The following ELL2 variants were observed in gnomAD, a reference collection of about 807,000 sequenced individuals.
ELL2 encodes RNA polymerase II elongation factor ELL2.
ELL2 carries 21 observed loss-of-function variants against 72.8 expected under a neutral mutation model. The ratio of observed to expected loss-of-function variants is 0.29; its 90% CI spans 0.20 to 0.42. ELL2 has a LOEUF of 0.42. Among genes scored for constraint, ELL2 ranks in the 10% least tolerant of loss-of-function variants. ELL2 has a pLI of 1.00. For synonymous variants in ELL2, 266 were observed against 283.2 expected (o/e 0.94, Z 0.61); for missense variants, 568 against 772.8 (o/e 0.73, Z 3.14).
intron 2 of ELL2, among the ~76,000 whole-genome samples, chr5:95,926,972 C>T (rs199838156): frequency 6.6e-6 from 1 of 152,094 alleles, no homozygotes; most frequent in Admixed American, 6.5e-5. Context: ...AATATGGCTT[C>T]TCTATTAATA....
chr5:95,924,938 A>C (rs1224726985), intron 2 of ELL2, among the ~76,000 whole-genome samples: 1 of 152,206 alleles, frequency 6.6e-6, no homozygotes, highest in Non-Finnish European at 1.5e-5. Flanking sequence ...TTACATAAGG[A>C]TCTAGGGCAG....
intron 5 of ELL2, among the ~76,000 whole-genome samples, chr5:95,901,910 C>G (rs1561492528): frequency 1.3e-5 from 2 of 152,182 alleles, no homozygotes; most frequent in Non-Finnish European, 2.9e-5. Flanking sequence ...AATGTGAGGT[C>G]TCATCACGTT....
intron 2 of ELL2, 22 bp from the exon 3 acceptor site, chr5:95,919,567 G>C: frequency 6.5e-7 from 1 of 1,534,946 alleles, no homozygotes. Context: ...GGAAAAGAGA[G>C]AAACGCCTCA....
chr5:95,934,192 T>A (rs1750691949), intron 2 of ELL2, among the ~76,000 whole-genome samples: 1 of 152,238 alleles, frequency 6.6e-6, no homozygotes, highest in East Asian at 1.9e-4. Flanking sequence ...AATATGGCTA[T>A]GCCTTATATT....
At chr5:95,957,315 G>T (rs1751660182) in intron 1 of ELL2, among the ~76,000 whole-genome samples, 1 of 152,072 alleles carries the variant, frequency 6.6e-6, no homozygotes, top group Admixed American at 6.6e-5. Context: ...TCCATTTGGG[G>T]GAAATATGTA....
chr5:95,913,711 T>C, intron 4 of ELL2, 60 bp downstream of exon 4: 2 of 1,466,892 alleles, frequency 1.4e-6, no homozygotes, highest in Non-Finnish European at 1.8e-6. Context: ...GGTATTTACC[T>C]ATGGTGATCT....
intron 9 of ELL2, among the ~76,000 whole-genome samples, chr5:95,893,237 G>A (rs1023632124): frequency 2.6e-5 from 4 of 152,126 alleles, no homozygotes; most frequent in Admixed American, 2.6e-4. Flanking sequence ...ACGAAAAATT[G>A]TTGTAGTTCT....
At chr5:95,957,631 A>G (rs1751669013) in intron 1 of ELL2, among the ~76,000 whole-genome samples, 1 of 152,226 alleles carries the variant, frequency 6.6e-6, no homozygotes, top group South Asian at 2.1e-4. Context: ...TACTCCAACT[A>G]TAACTCTCAT....
rs1049238446 is a variant in ELL2, at chr5:95,886,372, C to T, written c.*2499G>A. The stretch of plus-strand genomic sequence containing the variant: ...CACTTTTGCAAGGATCTGTCCAACA[C>T]ATACAACTAACATCTAAATTAAGGC... On this transcript the variant is annotated 3_prime_UTR_variant, in exon 12 of 12. Transcript: ENST00000237853. The T allele has an allele frequency of 6.6e-6, 1 of 152,184 alleles. No homozygotes were observed. Among genetic ancestry groups the T allele is most frequent in the Non-Finnish European group, 1.5e-5 (1 of 68,036 alleles). The allele number at this position is 152,184 out of a possible 1,614,324, so 9.4% of individuals were successfully genotyped here.
At chr5:95,959,806 A>G (rs530352311) in intron 1 of ELL2, among the ~76,000 whole-genome samples, 1 of 152,296 alleles carries the variant, frequency 6.6e-6, no homozygotes, top group East Asian at 1.9e-4. Flanking sequence ...TCTGGTTAGT[A>G]ACACAAGTGT....
intron 2 of ELL2, among the ~76,000 whole-genome samples, chr5:95,920,513 C>A (rs1205758666): frequency 6.6e-6 from 1 of 151,486 alleles, no homozygotes; most frequent in Non-Finnish European, 1.5e-5. Context: ...GGTTTCACCA[C>A]AGGCAGATGT....
intron 1 of ELL2, among the ~76,000 whole-genome samples, chr5:95,960,698 G>T (rs374276609): frequency 6.6e-5 from 10 of 152,064 alleles, no homozygotes; most frequent in Admixed American, 6.5e-4. Flanking sequence ...TTGAGCGTCC[G>T]TGAACCTCTC....
chr5:95,928,098 G>A (rs1344179188), intron 2 of ELL2, among the ~76,000 whole-genome samples: 1 of 151,950 alleles, frequency 6.6e-6, no homozygotes, highest in African/African-American at 2.4e-5. Context: ...GGTGATGACA[G>A]TTACTGGCAG....
In ELL2 at chr5:95,935,829, C is replaced by T. The variant is rs568190009; in HGVS notation, c.195+7173G>A. ...AGAGCCATCCTTATCTCTTCTTCTT[C>T]TTCTCCTCCCATATGTAAGGAATCC... On this transcript the variant is annotated intron_variant, in intron 2 of 11. Coordinates refer to ENST00000237853, the MANE Select transcript of ELL2 (RefSeq NM_012081.6). 8.5e-5 allele frequency among the ~76,000 whole-genome samples: 13 copies of T among 152,342 alleles called. No homozygotes were observed. The East Asian group carries it at 2.1e-3, about 25-fold the overall frequency.
chr5:95,913,464 G>C (rs1425077029), intron 4 of ELL2: 1 of 194,904 alleles, frequency 5.1e-6, no homozygotes, highest in Admixed American at 6.0e-5. Flanking sequence ...TAGTGACAAA[G>C]AAAACACAAC....
chr5:95,946,512 C>T (rs535882678), intron 1 of ELL2, among the ~76,000 whole-genome samples: 1 of 152,260 alleles, frequency 6.6e-6, no homozygotes, highest in South Asian at 2.1e-4. Flanking sequence ...CCAAATTGTT[C>T]AAATAGCCAG....
rs1336040882 is a variant in ELL2 at position 95,961,709 on chromosome 5, C to T, written c.13G>A (p.Gly5Arg). 1 of 1,605,638 alleles carries T rather than the reference C, an allele frequency of 6.2e-7. No homozygotes were observed. The highest frequency in any genetic ancestry group is 1.1e-5 in the South Asian group (1 of 90,432). The change falls in exon 1 of 12, where the codon GGG (glycine) becomes AGG (arginine). Residue 5 changes from glycine to arginine, a missense_variant. Coordinates refer to ENST00000237853, the MANE Select transcript of ELL2 (RefSeq NM_012081.6). MAAG[G>R]TGGLREEQRY... Reference sequence around the variant, plus strand: ...TGCTCCTCCCGCAGGCCCCCTGTCCCCCCCGCCGCCATCTTAAACTCCCCG... The same window carrying T: ...TGCTCCTCCCGCAGGCCCCCTGTCCTCCCCGCCGCCATCTTAAACTCCCCG...
chr5:95,895,460 G>A (rs552912919), intron 9 of ELL2, among the ~76,000 whole-genome samples, 168 bp downstream of exon 9: 11 of 152,312 alleles, frequency 7.2e-5, no homozygotes, highest in African/African-American at 2.6e-4. Flanking sequence ...TGCAGACAAG[G>A]GTAGATTTGG....
intron 2 of ELL2, among the ~76,000 whole-genome samples, chr5:95,941,932 A>T (rs148275194): frequency 2.0e-5 from 3 of 152,350 alleles, no homozygotes; most frequent in East Asian, 1.9e-4. Flanking sequence ...TCCAGTTAGG[A>T]TCCCATTCAT....
Sources: gnomAD v4.1 joint callset for allele counts (sites outside exome capture counted in the v4.1 genomes callset) on GRCh38, gnomAD v4.1.1 for gene constraint, MANE v1.5 for transcripts, NCBI Gene and HGNC (gene_info 2026-07-23, HGNC 2026-07-21) for gene names.